ASIC2: variants seen among roughly 807,000 people sequenced by gnomAD.
The protein encoded by ASIC2 is acid-sensing ion channel 2.
Under a neutral mutation model 57.3 loss-of-function variants are expected in ASIC2, and 25 were observed. That is an observed-to-expected ratio of 0.44 (90% CI 0.32 to 0.61). ASIC2 has a LOEUF of 0.61. Among genes scored for constraint, ASIC2 ranks in the 20% least tolerant of loss-of-function variants. The pLI is 0.06. For synonymous variants in ASIC2, 319 were observed against 307.5 expected (o/e 1.04, Z -0.39); for missense variants, 641 against 738.1 (o/e 0.87, Z 1.52).
At chr17:34,150,748 G>T (rs923927826) in intron 1 of ASIC2, among the ~76,000 whole-genome samples, 2 of 152,144 alleles carry the variant, frequency 1.3e-5, no homozygotes, top group Non-Finnish European at 2.9e-5. Flanking sequence ...TCCTGGAGAA[G>T]GCTACAGTGA....
At chr17:33,238,576 C>G (rs1908383579) in intron 1 of ASIC2, among the ~76,000 whole-genome samples, 1 of 152,222 alleles carries the variant, frequency 6.6e-6, no homozygotes, top group Non-Finnish European at 1.5e-5. Context: ...TTTTCCATCT[C>G]CTGCCCTGTC....
intron 1 of ASIC2, among the ~76,000 whole-genome samples, chr17:33,799,443 T>TTTCTTTCTTC (rs1912052748): frequency 1.3e-5 from 1 of 78,530 alleles, no homozygotes; most frequent in African/African-American, 5.3e-5. Flanking sequence ...TCTTTCTTTC[T>TTTCTTTCTTC]TTCTTTCTTT....
chr17:33,686,330 T>A (rs1908189766), intron 1 of ASIC2, among the ~76,000 whole-genome samples: 1 of 151,964 alleles, frequency 6.6e-6, no homozygotes, highest in Admixed American at 6.6e-5. Context: ...ATAGGAGGAG[T>A]TCCTATGGAG....
intron 7 of ASIC2, among the ~76,000 whole-genome samples, chr17:33,020,102 C>T (rs905847358): frequency 3.3e-5 from 5 of 152,138 alleles, no homozygotes; most frequent in East Asian, 1.9e-4. Flanking sequence ...CAGCTGGGAC[C>T]GAGCTATGGT....
intron 1 of ASIC2, among the ~76,000 whole-genome samples, chr17:33,720,138 C>T (rs1383206625): frequency 6.6e-6 from 1 of 152,114 alleles, no homozygotes; most frequent in African/African-American, 2.4e-5. Context: ...GCTCAGCCTC[C>T]CAAAGCATTA....
At chr17:33,765,867 G>T in intron 1 of ASIC2, among the ~76,000 whole-genome samples, 1 of 152,180 alleles carries the variant, frequency 6.6e-6, no homozygotes, top group Non-Finnish European at 1.5e-5. Context: ...CCGCTGTACC[G>T]CACAGCCCCA....
intron 3 of ASIC2, among the ~76,000 whole-genome samples, chr17:33,083,335 G>A (rs1375023349): frequency 1.3e-5 from 2 of 152,162 alleles, no homozygotes; most frequent in African/African-American, 4.8e-5. Context: ...TGATCCACAT[G>A]AAGTAAGCCT....
intron 1 of ASIC2, among the ~76,000 whole-genome samples, chr17:33,122,533 G>GT (rs1355075713): frequency 6.6e-6 from 1 of 152,012 alleles, no homozygotes; most frequent in African/African-American, 2.4e-5. Flanking sequence ...TTTTGGTTTT[G>GT]TTTTTTAATT....
chr17:33,641,339 C>G (rs1464588781), intron 1 of ASIC2, among the ~76,000 whole-genome samples: 7 of 152,218 alleles, frequency 4.6e-5, no homozygotes, highest in Non-Finnish European at 8.8e-5. Flanking sequence ...TACTGAACAT[C>G]CGCACACAGC....
At chr17:33,811,578 T>C (rs2141886058) in intron 1 of ASIC2, among the ~76,000 whole-genome samples, 1 of 152,344 alleles carries the variant, frequency 6.6e-6, no homozygotes, top group East Asian at 1.9e-4. Flanking sequence ...CAGTCATCCC[T>C]AAGAGATCAC....
chr17:33,515,575 G>A (rs1018084192), intron 1 of ASIC2, among the ~76,000 whole-genome samples: 1 of 152,210 alleles, frequency 6.6e-6, no homozygotes, highest in Non-Finnish European at 1.5e-5. Flanking sequence ...GTGCCTTTGA[G>A]TGCCTCTCTC....
chr17:33,492,261 G>A (rs1410585881), intron 1 of ASIC2, among the ~76,000 whole-genome samples: 2 of 152,200 alleles, frequency 1.3e-5, no homozygotes, highest in Non-Finnish European at 2.9e-5. Context: ...CCATTTCACG[G>A]ATGAGGAAAC....
At chr17:33,563,275 A>G (rs998754382) in intron 1 of ASIC2, among the ~76,000 whole-genome samples, 1 of 152,218 alleles carries the variant, frequency 6.6e-6, no homozygotes, top group Non-Finnish European at 1.5e-5. Context: ...GACACTTTAC[A>G]TGTCTGCTAA....
At chr17:33,328,155 A>G (rs56393960) in intron 1 of ASIC2, among the ~76,000 whole-genome samples, 108,817 of 151,790 alleles carry the variant, frequency 0.72, 39,223 homozygotes, top group East Asian at 0.97. Context: ...CAGCAGCTCT[A>G]CTAGGAAATA....
chr17:33,800,085 T>C (rs915073283), intron 1 of ASIC2, among the ~76,000 whole-genome samples: 2 of 152,180 alleles, frequency 1.3e-5, no homozygotes, highest in Admixed American at 6.5e-5. Context: ...TGGTCCTCCA[T>C]GCTCTATTAC....
intron 1 of ASIC2, among the ~76,000 whole-genome samples, chr17:34,061,518 A>C (rs2142060970): frequency 6.6e-6 from 1 of 152,346 alleles, no homozygotes; most frequent in African/African-American, 2.4e-5. Flanking sequence ...ACGGTACCTC[A>C]CATTTCAACA....
Position 33,879,929 on chromosome 17 carries a change from C to T in ASIC2, c.555+276049G>A, listed in dbSNP as rs532762340. 7.2e-5 allele frequency among the ~76,000 whole-genome samples: 11 copies of T among 152,268 alleles called. No homozygotes were observed. The East Asian group carries it at 1.5e-3, about 21-fold the overall frequency. On this transcript the variant is annotated intron_variant, in intron 1 of 9. Coordinates refer to the ASIC2 transcript ENST00000359872. ...TCTCTCAGACCACAGTGCAATCAAA[C>T]TAGAACTCAGGATTAAGAAACTCAC...
chr17:34,096,189 A>G (rs1406793512), intron 1 of ASIC2, among the ~76,000 whole-genome samples: 1 of 152,174 alleles, frequency 6.6e-6, no homozygotes, highest in Non-Finnish European at 1.5e-5. Context: ...ATTTGAATCA[A>G]TCTTGGTAGA....
intron 1 of ASIC2, among the ~76,000 whole-genome samples, chr17:33,271,821 G>A (rs2142158360): frequency 6.6e-6 from 1 of 152,314 alleles, no homozygotes; most frequent in East Asian, 1.9e-4. Context: ...ATTAACTCAT[G>A]GCACTCTCAT....
Sources: allele counts gnomAD v4.1 joint callset (sites outside exome capture counted in the v4.1 genomes callset), GRCh38; gene constraint gnomAD v4.1.1; transcripts MANE v1.5; gene names NCBI Gene and HGNC (gene_info 2026-07-23, HGNC 2026-07-21).